The following SPOCK1 variants were observed in gnomAD, a reference collection of about 807,000 sequenced individuals.
SPOCK1 encodes testican-1.
A neutral mutation model predicts 55.3 loss-of-function variants in SPOCK1; 23 were observed. The observed-to-expected ratio is 0.42, with a 90% CI of 0.30 to 0.59. The LOEUF (loss-of-function observed/expected upper bound fraction) is 0.59, where lower values mean the gene tolerates loss of function less well. Among genes scored for constraint, SPOCK1 ranks in the 20% least tolerant of loss-of-function variants. The probability of loss-of-function intolerance (pLI) is 0.22; values close to 1 mark genes in which losing one functional copy is unlikely to be tolerated. For missense variants in SPOCK1, 499 were observed against 552.5 expected (o/e 0.90, Z 0.97); for synonymous variants, 226 against 221.0 (o/e 1.02, Z -0.20).
At chr5:137,392,599 C>T (rs553939699) in intron 2 of SPOCK1, among the ~76,000 whole-genome samples, 3 of 152,158 alleles carry the variant, frequency 2.0e-5, no homozygotes, top group African/African-American at 7.2e-5. Flanking sequence ...TGACCTTAGA[C>T]AAGCTGTTTA....
intron 2 of SPOCK1, among the ~76,000 whole-genome samples, chr5:137,332,853 T>C (rs1758212121): frequency 6.6e-6 from 1 of 151,980 alleles, no homozygotes; most frequent in African/African-American, 2.4e-5. Flanking sequence ...CAAGGCAAAA[T>C]AGGCTAAGTG....
intron 5 of SPOCK1, among the ~76,000 whole-genome samples, chr5:137,104,606 G>A (rs1194262478): frequency 6.6e-6 from 1 of 152,156 alleles, no homozygotes; most frequent in African/African-American, 2.4e-5. Context: ...TACTGCCTGA[G>A]CTCCGCTTCG....
At chr5:137,106,266 C>A (rs1344056981) in intron 5 of SPOCK1, among the ~76,000 whole-genome samples, 1 of 152,178 alleles carries the variant, frequency 6.6e-6, no homozygotes, top group Non-Finnish European at 1.5e-5. Context: ...AAGCCTGAGA[C>A]TGCCCACTTG....
chr5:137,008,082 T>G (rs1201568075), intron 6 of SPOCK1, among the ~76,000 whole-genome samples: 1 of 129,210 alleles, frequency 7.7e-6, no homozygotes, highest in Non-Finnish European at 1.5e-5. Context: ...AAGTGGGAGT[T>G]GAAAAACGAG....
intron 3 of SPOCK1, among the ~76,000 whole-genome samples, chr5:137,199,926 C>T (rs1211647898): frequency 1.3e-5 from 2 of 152,184 alleles, no homozygotes; most frequent in Admixed American, 1.3e-4. Context: ...CTGCCAGCCC[C>T]CTCTAGACTC....
chr5:137,378,812 A>C (rs6864826), intron 2 of SPOCK1, among the ~76,000 whole-genome samples: 13 of 152,132 alleles, frequency 8.5e-5, no homozygotes, highest in African/African-American at 3.1e-4. Context: ...GGGGAGTTTG[A>C]AGTGGGGCTT....
chr5:137,172,735 T>G (rs1404067238), intron 3 of SPOCK1, among the ~76,000 whole-genome samples: 1 of 152,118 alleles, frequency 6.6e-6, no homozygotes, highest in African/African-American at 2.4e-5. Flanking sequence ...ACCCAATCTG[T>G]GTCTGTGCTA....
chr5:137,287,276 C>T (rs1757288708), intron 2 of SPOCK1, among the ~76,000 whole-genome samples: 1 of 152,192 alleles, frequency 6.6e-6, no homozygotes, highest in Non-Finnish European at 1.5e-5. Flanking sequence ...ATGTCCTGCT[C>T]ATCATGCCCC....
intron 3 of SPOCK1, among the ~76,000 whole-genome samples, chr5:137,150,367 C>T (rs1754296370): frequency 1.3e-5 from 2 of 152,120 alleles, no homozygotes; most frequent in South Asian, 4.1e-4. Flanking sequence ...GATGAAAATC[C>T]TCTTCCTCTC....
At chr5:137,246,583 A>G (rs1050613170) in intron 3 of SPOCK1, among the ~76,000 whole-genome samples, 2 of 152,062 alleles carry the variant, frequency 1.3e-5, no homozygotes, top group Non-Finnish European at 2.9e-5. Context: ...TGCTTCTCAT[A>G]TCTCCAATTT....
rs953452163 is a variant in SPOCK1, at chr5:137,395,182, C to A, written c.186+103191G>T. Among the ~76,000 whole-genome samples the A allele has an allele frequency of 1.4e-4, 21 of 152,198 alleles. 1 individual carries two copies. On this transcript the variant is annotated intron_variant, in intron 2 of 10. Coordinates refer to ENST00000394945, the MANE Select transcript of SPOCK1 (RefSeq NM_004598.4). ...CTTGGAAGGATGGTCAGCTTTGTAGCTTTACTGGATTTTGTTGCCCGCAGA... is the reference window on the plus strand; with the variant it reads ...CTTGGAAGGATGGTCAGCTTTGTAGATTTACTGGATTTTGTTGCCCGCAGA...
At chr5:137,425,956 C>T (rs1210841248) in intron 2 of SPOCK1, among the ~76,000 whole-genome samples, 2 of 104,252 alleles carry the variant, frequency 1.9e-5, no homozygotes, top group Admixed American at 1.2e-4. Flanking sequence ...GTTAAGGGTA[C>T]ATTACAGAAA....
chr5:137,371,552 T>C (rs898653732), intron 2 of SPOCK1, among the ~76,000 whole-genome samples: 1 of 152,192 alleles, frequency 6.6e-6, no homozygotes, highest in Non-Finnish European at 1.5e-5. Context: ...TACCATGAAC[T>C]GCATACACAG....
At chr5:137,398,091 G>A (rs967409459) in intron 2 of SPOCK1, among the ~76,000 whole-genome samples, 3 of 151,932 alleles carry the variant, frequency 2.0e-5, no homozygotes, top group African/African-American at 7.3e-5. Flanking sequence ...ACACCATACA[G>A]GAGGCTGCCA....
In SPOCK1 at chr5:137,343,827, T is replaced by G. The variant is rs116808718; in HGVS notation, c.187-76772A>C. On this transcript the variant is annotated intron_variant, in intron 2 of 10. Coordinates refer to ENST00000394945, the MANE Select transcript of SPOCK1 (RefSeq NM_004598.4). ...AAGCCTGTAAGGTGCTGGGGGCTAC[T>G]GACATTCCCCCAGTTAACTGACTTC... 2.5e-3 allele frequency among the ~76,000 whole-genome samples: 379 copies of G among 152,332 alleles called. 4 individuals are homozygous for G. The highest frequency in any genetic ancestry group is 8.6e-3 in the African/African-American group (357 of 41,568).
chr5:137,019,283 C>T (rs1417648731), intron 6 of SPOCK1, among the ~76,000 whole-genome samples: 2 of 152,076 alleles, frequency 1.3e-5, no homozygotes, highest in Non-Finnish European at 2.9e-5. Flanking sequence ...AATCACCTAT[C>T]ACTTCAACAC....
At position 136,988,659 on chromosome 5, in the gene SPOCK1, C is replaced by CAT. The variant is rs750797260; in HGVS notation, c.707-18_707-17dup. On this transcript the variant is annotated splice_polypyrimidine_tract_variant and intron_variant, in intron 7 of 10. Coordinates refer to ENST00000394945, the MANE Select transcript of SPOCK1 (RefSeq NM_004598.4). ...GTGTCAAACCCTGCCAAACAAAAGGCATATCTCAGCTGCCACCAAGCCTGA... is the reference window on the plus strand; with the variant it reads ...GTGTCAAACCCTGCCAAACAAAAGGCATATATCTCAGCTGCCACCAAGCCTGA... 2.5e-6 allele frequency: 4 copies of CAT among 1,602,992 alleles called. No homozygotes were observed. The South Asian group carries it at 4.4e-5, about 18-fold the overall frequency.
At chr5:137,431,267 T>C (rs1158393462) in intron 2 of SPOCK1, among the ~76,000 whole-genome samples, 1 of 152,204 alleles carries the variant, frequency 6.6e-6, no homozygotes, top group African/African-American at 2.4e-5. Context: ...AGTCTTGGAA[T>C]GCATGGTTCA....
chr5:137,125,156 T>C (rs1234389428), intron 4 of SPOCK1, among the ~76,000 whole-genome samples: 2 of 152,222 alleles, frequency 1.3e-5, no homozygotes, highest in African/African-American at 4.8e-5. Context: ...TGCACCAGCT[T>C]GGCCCTGTAC....
Sources: gnomAD v4.1 joint callset for allele counts (sites outside exome capture counted in the v4.1 genomes callset) on GRCh38, gnomAD v4.1.1 for gene constraint, MANE v1.5 for transcripts, NCBI Gene and HGNC (gene_info 2026-07-23, HGNC 2026-07-21) for gene names.